Variants in CFAP47 observed in about 807,000 individuals in gnomAD.
CFAP47 encodes the protein cilia- and flagella-associated protein 47.
Under a neutral mutation model 148.1 loss-of-function variants are expected in CFAP47, and 29 were observed. That is an observed-to-expected ratio of 0.20 (90% CI 0.15 to 0.27). CFAP47 has a LOEUF of 0.27. Ranked by LOEUF, CFAP47 falls within the 10% of genes least tolerant of loss-of-function variation. The pLI is 1.00. For synonymous variants in CFAP47, 664 were observed against 577.3 expected (o/e 1.15, Z -2.15); for missense variants, 1,872 against 1,697.5 (o/e 1.10, Z -1.81).
chrX:36,260,080 T>G (rs782678228), intron 49 of CFAP47, among the ~76,000 whole-genome samples: 1 of 85,272 alleles, frequency 1.2e-5, no homozygotes, highest in Non-Finnish European at 2.0e-5. Context: ...TTCCATGGTG[T>G]GTGTGTGTGT....
intron 10 of CFAP47, 101 bp from the exon 11 acceptor site, chrX:35,970,667 C>A: frequency 1.8e-6 from 1 of 564,299 alleles, no homozygotes; most frequent in East Asian, 3.8e-5. Context: ...TGCCATTCCA[C>A]ATCCAACACC....
Position 35,942,028 on chromosome X carries a change from C to CTG in CFAP47, c.517+652_517+653dup, listed in dbSNP as rs59083788. 6.2e-3 allele frequency among the ~76,000 whole-genome samples: 648 copies of CTG among 103,842 alleles called. 4 individuals are homozygous for CTG. Among genetic ancestry groups the CTG allele is most frequent in the East Asian group, 0.041 (133 of 3,243 alleles). The allele number at this position is 103,842 out of a possible 115,157, so 90.2% of individuals were successfully genotyped here. On this transcript the variant is annotated intron_variant, in intron 3 of 63. Transcript: ENST00000378653. ...TTTACATAAGGATGTGTGTGTGTGT[C>CTG]TGTGTGTGTGTGTGTGTGTGTGTCT...
At chrX:36,326,310 C>CAT (rs1241638608) in intron 57 of CFAP47, among the ~76,000 whole-genome samples, 4 of 109,471 alleles carry the variant, frequency 3.7e-5, no homozygotes, top group Non-Finnish European at 7.7e-5. Flanking sequence ...TCCAAACACA[C>CAT]ACACACACAC....
chrX:36,043,990 C>T (rs1937435704), intron 25 of CFAP47, among the ~76,000 whole-genome samples: 1 of 113,032 alleles, frequency 8.8e-6, no homozygotes, highest in Non-Finnish European at 1.9e-5. Context: ...GTCTTCTGTG[C>T]ACCTGCAGGC....
rs893731486 is a variant in CFAP47 at position 36,149,130 on chromosome X, C to T, written c.5693C>T (p.Ser1898Leu). The T allele has an allele frequency of 1.4e-5, 4 of 294,232 alleles. No individual in the cohort carries two copies. Among genetic ancestry groups the T allele is most frequent in the Admixed American group, 1.3e-4 (2 of 15,973 alleles). The allele number at this position is 294,232 out of a possible 1,213,427, so 24.2% of individuals were successfully genotyped here. The change falls in exon 37 of 64, where the codon TCG becomes TTG. Residue 1898 changes from serine to leucine, a missense_variant. Coordinates refer to ENST00000378653, the MANE Select transcript of CFAP47 (RefSeq NM_001304548.2). ...LNKILLKNSS[S>L]RNLVYNARIV... ...TAGATTCTACTGAAAAATTCCAGCT[C>T]GCGAAACTTAGTGTATAATGCTAGA...
At position 36,380,600 on chromosome X, in the gene CFAP47, C is replaced by T. The variant is rs989978500; in HGVS notation, c.9354+1082C>T. On this transcript the variant is annotated intron_variant, in intron 63 of 63. Coordinates refer to ENST00000378653, the MANE Select transcript of CFAP47 (RefSeq NM_001304548.2). Reference sequence around the variant, plus strand: ...CAGGGACTACAGGCACCTGCAACCACGCCCAGCTACTTTTTTGTATTTTTG... The same window carrying T: ...CAGGGACTACAGGCACCTGCAACCATGCCCAGCTACTTTTTTGTATTTTTG... Among the ~76,000 whole-genome samples, 22 of 111,686 alleles carry T rather than the reference C, an allele frequency of 2.0e-4. No individual in the cohort carries two copies. The Admixed American group carries it at 2.0e-3, about 10-fold the overall frequency.
At chrX:36,309,355 A>C (rs1941375678) in intron 55 of CFAP47, among the ~76,000 whole-genome samples, 1 of 111,468 alleles carries the variant, frequency 9.0e-6, no homozygotes, top group African/African-American at 3.2e-5. Context: ...TCTGGAGCTC[A>C]GTGTGCAAAC....
chrX:36,231,860 A>G (rs868963834), intron 46 of CFAP47, among the ~76,000 whole-genome samples: 11 of 111,665 alleles, frequency 9.9e-5, no homozygotes, highest in African/African-American at 3.6e-4. Context: ...TTCTGCATCT[A>G]TTGAGATAAT....
chrX:36,355,542 A>G (rs1941778799), intron 60 of CFAP47, among the ~76,000 whole-genome samples: 1 of 111,970 alleles, frequency 8.9e-6, no homozygotes, highest in Admixed American at 9.5e-5. Context: ...TTCAGCCTTA[A>G]AAAGGAGGAA....
chrX:36,245,829 A>G (rs1360223929), intron 48 of CFAP47, among the ~76,000 whole-genome samples: 3 of 111,750 alleles, frequency 2.7e-5, no homozygotes, highest in Admixed American at 9.5e-5. Flanking sequence ...AGGACTTCCT[A>G]TTCAATAAAT....
intron 33 of CFAP47, among the ~76,000 whole-genome samples, chrX:36,130,332 A>G (rs112965164): frequency 0.044 from 4,888 of 111,452 alleles, 278 homozygotes; most frequent in African/African-American, 0.15. Context: ...GGTGCTCAAC[A>G]TCATTGATCA....
At chrX:36,124,985 A>G (rs1304226677) in intron 33 of CFAP47, among the ~76,000 whole-genome samples, 1 of 111,776 alleles carries the variant, frequency 8.9e-6, no homozygotes, top group Non-Finnish European at 1.9e-5. Context: ...TTCAAAATCC[A>G]TAATAAATAT....
chrX:35,966,525 A>G (rs776388716), intron 8 of CFAP47, 40 bp from the exon 9 acceptor site: 34 of 911,393 alleles, frequency 3.7e-5, no homozygotes, highest in African/African-American at 3.6e-4. Flanking sequence ...CTTTTTTTCT[A>G]CCAATTTATT....
rs1556020412 is a variant in CFAP47 at position 36,367,002 on chromosome X, A to G, written c.9060A>G (p.Glu3020=). The change falls in exon 62 of 64, where the codon GAA becomes GAG. Residue 3020 remains glutamate (E), a synonymous_variant. Transcript: ENST00000378653. The part of the protein sequence containing the change: ...HITLKIECVT[E]GIWKFPIMLI... ...CACTGAAAATAGAGTGCGTAACAGA[A>G]GGGATCTGGAAGTTTCCCATAATGT... 16 of 1,154,485 alleles carry G rather than the reference A, an allele frequency of 1.4e-5. No homozygotes were observed. The highest frequency in any genetic ancestry group is 2.6e-5 in the Admixed American group (1 of 37,757).
chrX:36,371,580 T>C (rs1398779398), intron 62 of CFAP47, among the ~76,000 whole-genome samples: 1 of 98,297 alleles, frequency 1.0e-5, no homozygotes, highest in African/African-American at 3.6e-5. Flanking sequence ...TGTGTGTATA[T>C]ATATGTGTAT....
At chrX:36,119,269 A>G (rs1938698325) in intron 33 of CFAP47, among the ~76,000 whole-genome samples, 1 of 111,769 alleles carries the variant, frequency 8.9e-6, no homozygotes, top group Admixed American at 9.5e-5. Flanking sequence ...GAGGGTTTTT[A>G]TAAGGGATGT....
intron 33 of CFAP47, among the ~76,000 whole-genome samples, chrX:36,124,626 C>T (rs1474014971): frequency 1.8e-5 from 2 of 111,589 alleles, no homozygotes; most frequent in Non-Finnish European, 3.8e-5. Context: ...CTCTGCCCCA[C>T]ACTGCAACTG....
In CFAP47 at chrX:36,349,577, A is replaced by G. The variant is rs186553699; in HGVS notation, c.8604-461A>G. Reference sequence around the variant, plus strand: ...CATATCTGGCCTATAAACATTTTCTAATATTGCTGTGCTCCTAATGTTGTA... The same window carrying G: ...CATATCTGGCCTATAAACATTTTCTGATATTGCTGTGCTCCTAATGTTGTA... On this transcript the variant is annotated intron_variant, in intron 58 of 63. Coordinates refer to ENST00000378653, the MANE Select transcript of CFAP47 (RefSeq NM_001304548.2). Among the ~76,000 whole-genome samples, 456 of 111,881 alleles carry G rather than the reference A, an allele frequency of 4.1e-3. 2 individuals carry two copies. The highest frequency in any genetic ancestry group is 0.014 in the African/African-American group (422 of 30,855).
chrX:36,102,996 G>A (rs1451572683), intron 32 of CFAP47, among the ~76,000 whole-genome samples: 1 of 111,410 alleles, frequency 9.0e-6, no homozygotes. Context: ...CAAAAGAACA[G>A]TTTTGGATGC....
Sources: allele counts gnomAD v4.1 joint callset (sites outside exome capture counted in the v4.1 genomes callset), GRCh38; gene constraint gnomAD v4.1.1; transcripts MANE v1.5; gene names NCBI Gene and HGNC (gene_info 2026-07-23, HGNC 2026-07-21).